The following EPHA8 variants were observed in gnomAD, a reference collection of about 807,000 sequenced individuals.
EPHA8 encodes the protein EPH receptor A8.
EPHA8 carries 58 observed loss-of-function variants against 103.6 expected under a neutral mutation model. That is an observed-to-expected ratio of 0.56 (90% confidence interval 0.45 to 0.70). The LOEUF (loss-of-function observed/expected upper bound fraction) is 0.70. Among genes scored for constraint, EPHA8 ranks in the 30% least tolerant of loss-of-function variants. EPHA8 has a pLI of 0.00. For synonymous variants in EPHA8, 559 were observed against 572.5 expected (o/e 0.98, Z 0.34); for missense variants, 1,304 against 1,395.2 (o/e 0.93, Z 1.04).
rs1019479070 is a variant in EPHA8, at chr1:22,576,442, T to G, written c.385T>G (p.Ser129Ala). The stretch of plus-strand genomic sequence containing the variant: ...GACCTTCAACCTCTACTACCTGGAG[T>G]CGGACCGCGACCTGGGGGCCAGCAC... ...KETFNLYYLE[S>A]DRDLGASTQE... Residue 129 changes from serine to alanine, a missense_variant, in exon 3 of 17, where the codon TCG becomes GCG. Transcript: ENST00000166244. This position sits in a 1 kb window ranked among gnomAD's most constrained non-coding sequence, Gnocchi z 4.8. 6 of 1,613,764 alleles carry G rather than the reference T, an allele frequency of 3.7e-6. 1 individual carries two copies. The South Asian group carries it at 6.6e-5, about 18-fold the overall frequency.
At position 22,601,345 on chromosome 1, in the gene EPHA8, G is replaced by A; in HGVS notation, c.2775G>A (p.Gly925=). ...TCCGGAGCTGCTTTGACCTCCGAGG[G>A]GGCAGCGGTGGCGGTGGGGGCCTCA... ...AFVRSCFDLR[G]GSGGGGGLTV... The change falls in exon 16 of 17, where the codon GGG becomes GGA. Residue 925 remains glycine (G), a synonymous_variant. Coordinates refer to ENST00000166244, the MANE Select transcript of EPHA8 (RefSeq NM_020526.5). The A allele has an allele frequency of 6.2e-7, 1 of 1,608,562 alleles. No homozygotes were observed. Among genetic ancestry groups the A allele is most frequent in the African/African-American group, 1.3e-5 (1 of 74,754 alleles).
chr1:22,600,615 C>G, intron 13 of EPHA8, 46 bp from the exon 14 acceptor site: 1 of 1,604,114 alleles, frequency 6.2e-7, no homozygotes, highest in Non-Finnish European at 8.5e-7. Flanking sequence ...CGGGGGACAC[C>G]CTGCCAGGCC....
chr1:22,600,586 C>T (rs1303203739), intron 13 of EPHA8, 75 bp from the exon 14 acceptor site: 1 of 1,569,476 alleles, frequency 6.4e-7, no homozygotes, highest in African/African-American at 1.4e-5. Flanking sequence ...CAGTGTTTAG[C>T]TCTCTGACTC....
intron 2 of EPHA8, among the ~76,000 whole-genome samples, chr1:22,570,636 C>G (rs987845837): frequency 7.8e-6 from 1 of 128,592 alleles, no homozygotes; most frequent in Non-Finnish European, 1.6e-5. Flanking sequence ...CCCCACTTCT[C>G]TCTCTCTGGG....
At chr1:22,585,826 A>G (rs1252225869) in intron 3 of EPHA8, among the ~76,000 whole-genome samples, 1 of 152,118 alleles carries the variant, frequency 6.6e-6, no homozygotes, top group East Asian at 1.9e-4. Context: ...TCACCCTCCC[A>G]TGGGGGCTTG....
chr1:22,602,206 A>G lies in EPHA8; in HGVS notation c.*465A>G. 5.2e-6 allele frequency: 1 copy of G among 193,834 alleles called. No homozygotes were observed. The highest frequency in any genetic ancestry group is 1.0e-5 in the Non-Finnish European group (1 of 97,722). The allele number at this position is 193,834 out of a possible 1,614,324, so 12.0% of individuals were successfully genotyped here. A position where few individuals can be genotyped will look rare whatever the true frequency, so the allele number is the denominator to read the frequency against. On this transcript the variant is annotated 3_prime_UTR_variant, in exon 17 of 17. Transcript: ENST00000166244. Reference sequence around the variant, plus strand: ...TTAAGGCTGGAGGCACATGTGGGTGATGGTGGATGATGTGTCATGAATGAG... The same window carrying G: ...TTAAGGCTGGAGGCACATGTGGGTGGTGGTGGATGATGTGTCATGAATGAG...
intron 5 of EPHA8, 141 bp from the exon 6 acceptor site, chr1:22,593,185 G>A: frequency 7.7e-7 from 1 of 1,297,638 alleles, no homozygotes; most frequent in East Asian, 2.6e-5. Context: ...GGAGGGTGCT[G>A]GCTGTCCTGG....
chr1:22,578,144 ATGTGTGCG>A (rs1345729660), intron 3 of EPHA8, among the ~76,000 whole-genome samples: 1 of 66,196 alleles, frequency 1.5e-5, no homozygotes. Context: ...GCATGTGTGT[ATGTGTGCG>A]TGTGTGCATG....
chr1:22,581,334 G>A (rs906275769), intron 3 of EPHA8, among the ~76,000 whole-genome samples: 1 of 152,194 alleles, frequency 6.6e-6, no homozygotes, highest in African/African-American at 2.4e-5. Context: ...CGGTGCATAC[G>A]CACTCAGGGT....
At chr1:22,586,387 C>G in intron 3 of EPHA8, 93 bp from the exon 4 acceptor site, 2 of 1,466,868 alleles carry the variant, frequency 1.4e-6, no homozygotes, top group Non-Finnish European at 1.9e-6. Flanking sequence ...TCTGGGGCAC[C>G]CCCCAGGAAG....
At position 22,576,846 on chromosome 1, in the gene EPHA8, T is replaced by G. The variant is rs1172918635; in HGVS notation, c.789T>G (p.Ser263Arg). ...TGCCCATCGGCAAATGCGTGTGCAG[T>G]GCCGGCTACGAGGAGCGGCGGGATG... ...WLVPIGKCVC[S>R]AGYEERRDAC... is the part of the protein sequence containing the mutation. Residue 263 changes from serine (S) to arginine (R), a missense_variant, in exon 3 of 17, where the codon AGT becomes AGG. Coordinates refer to ENST00000166244, the MANE Select transcript of EPHA8 (RefSeq NM_020526.5). The surrounding 1 kb of genome is among the most constrained non-coding windows in gnomAD (Gnocchi z 4.8). 6.2e-7 allele frequency: 1 copy of G among 1,604,156 alleles called. No individual in the cohort carries two copies. The highest frequency in any genetic ancestry group is 1.7e-5 in the Admixed American group (1 of 59,796).
intron 5 of EPHA8, among the ~76,000 whole-genome samples, chr1:22,591,232 A>G (rs1378497348): frequency 6.6e-6 from 1 of 151,912 alleles, no homozygotes; most frequent in Non-Finnish European, 1.5e-5. Flanking sequence ...TCTACAAAAA[A>G]AATTTTTTTT....
intron 2 of EPHA8, among the ~76,000 whole-genome samples, chr1:22,572,774 G>T (rs916652224): frequency 6.6e-6 from 1 of 152,220 alleles, no homozygotes; most frequent in African/African-American, 2.4e-5. Context: ...GGGGAGCAGC[G>T]TGCCAGAGTC....
chr1:22,594,993 C>A (rs1641477272), intron 7 of EPHA8, among the ~76,000 whole-genome samples: 1 of 152,292 alleles, frequency 6.6e-6, no homozygotes, highest in South Asian at 2.1e-4. Context: ...GAAGCAGCGG[C>A]ACCAGCATTA....
Position 22,579,310 on chromosome 1 carries a change from AGT to A in EPHA8, c.823+2433_823+2434del, listed in dbSNP as rs373229642. 7.8e-4 allele frequency among the ~76,000 whole-genome samples: 113 copies of A among 145,654 alleles called. 1 individual carries two copies. Among genetic ancestry groups the A allele is most frequent in the African/African-American group, 2.7e-3 (105 of 38,980 alleles). On this transcript the variant is annotated intron_variant, in intron 3 of 16. Coordinates refer to ENST00000166244, the MANE Select transcript of EPHA8 (RefSeq NM_020526.5). ...GCATGTGTGCATGCATGTGTACATG[AGT>A]GTATATATGCATGTGTCCATGTGTG...
At chr1:22,594,096 G>C (rs1641451307) in intron 7 of EPHA8, among the ~76,000 whole-genome samples, 1 of 152,228 alleles carries the variant, frequency 6.6e-6, no homozygotes, top group Admixed American at 6.5e-5. Flanking sequence ...CTCCCAAAGT[G>C]CTGGGATTAC....
intron 3 of EPHA8, among the ~76,000 whole-genome samples, 199 bp downstream of exon 3, chr1:22,577,079 G>C (rs1569965905): frequency 6.6e-6 from 1 of 152,196 alleles, no homozygotes; most frequent in African/African-American, 2.4e-5. Context: ...TGGGAAGGAC[G>C]TGGGAGCAAG....
At position 22,601,655 on chromosome 1, in the gene EPHA8, A is replaced by C. The variant is rs536376846; in HGVS notation, c.2932A>C (p.Met978Leu). The change falls in exon 17 of 17, where the codon ATG (methionine) becomes CTG (leucine). Residue 978 changes from methionine to leucine, a missense_variant. Transcript: ENST00000166244. ...QDVRALGITLMGHQKKILGSI... is the reference protein window; with the variant it reads ...QDVRALGITLLGHQKKILGSI... ...CGTGCGCGCCCTGGGCATCACCCTCATGGGCCACCAGAAGAAGATCCTGGG... is the reference window on the plus strand; with the variant it reads ...CGTGCGCGCCCTGGGCATCACCCTCCTGGGCCACCAGAAGAAGATCCTGGG... 1 of 1,595,326 alleles carries C rather than the reference A, an allele frequency of 6.3e-7. No individual in the cohort carries two copies. Among genetic ancestry groups the C allele is most frequent in the Non-Finnish European group, 8.5e-7 (1 of 1,171,148 alleles).
intron 3 of EPHA8, among the ~76,000 whole-genome samples, chr1:22,582,644 T>C (rs1012095618): frequency 2.0e-5 from 3 of 152,096 alleles, no homozygotes; most frequent in Non-Finnish European, 4.4e-5. Context: ...GGGTGGTTGA[T>C]AGAATCTCAC....
Sources: allele counts gnomAD v4.1 joint callset (sites outside exome capture counted in the v4.1 genomes callset), GRCh38; gene constraint gnomAD v4.1.1; non-coding constraint Gnocchi (gnomAD v3.1); transcripts MANE v1.5; gene names NCBI Gene and HGNC (gene_info 2026-07-23, HGNC 2026-07-21).